LIFR: variants seen among roughly 807,000 people sequenced by gnomAD.
The protein encoded by LIFR is LIF receptor subunit alpha, also known as leukemia inhibitory factor receptor.
In LIFR, 84 loss-of-function variants were observed where a neutral mutation model predicts 122.2. The ratio of observed to expected loss-of-function variants is 0.69; its 90% confidence interval spans 0.58 to 0.82. The LOEUF is 0.82. Ranked by LOEUF, LIFR falls within the 40% of genes least tolerant of loss-of-function variation. The pLI, the probability that LIFR is intolerant of heterozygous loss-of-function variation, is 0.00. For missense variants in LIFR, 1,294 were observed against 1,311.6 expected, an observed-to-expected ratio of 0.99 and a Z score of 0.21; for synonymous variants, 422 against 434.7, an observed-to-expected ratio of 0.97 and a Z score of 0.36.
chr5:38,513,994 A>G (rs1745943976), intron 5 of LIFR, among the ~76,000 whole-genome samples: 1 of 152,138 alleles, frequency 6.6e-6, no homozygotes, highest in Non-Finnish European at 1.5e-5. Context: ...AAGACATTGC[A>G]TCATGAAACA....
In LIFR at chr5:38,482,169, T is replaced by C. The variant is rs762686952; in HGVS notation, c.2720A>G (p.Asn907Ser). The C allele has an allele frequency of 3.1e-6, 5 of 1,588,800 alleles. No individual in the cohort carries two copies. The East Asian group carries it at 1.1e-4, about 35-fold the overall frequency. ...TGATCGAGTTTCCAGAACCTCAACA[T>C]TATTTGGGGTACAAGGATTCATTTC... ...TLEMNPCTPNNVEVLETRSAF... is the reference protein window; with the variant it reads ...TLEMNPCTPNSVEVLETRSAF... Residue 907 changes from asparagine to serine, a missense_variant, in exon 20 of 20, where the codon AAT becomes AGT. Physicochemically the swap from Asn to Ser is conservative, Grantham distance 46. Coordinates refer to ENST00000453190, the MANE Select transcript of LIFR (RefSeq NM_001127671.2).
At position 38,475,442 on chromosome 5, in the gene LIFR, A is replaced by G. The variant is rs1038871616; in HGVS notation, c.*6153T>C. ...CACAACTGTTTATTCACCTTAAAAA[A>G]ATGTCTGTAGTGGTAACATTTCAAG... On this transcript the variant is annotated 3_prime_UTR_variant, in exon 20 of 20. Transcript: ENST00000453190. 9.1e-5 allele frequency: 18 copies of G among 197,926 alleles called. No individual in the cohort carries two copies. The highest frequency in any genetic ancestry group is 1.7e-4 in the Non-Finnish European group (16 of 95,432). 12.3% of individuals were successfully genotyped at this position (197,926 alleles called of 1,614,324 possible).
At chr5:38,515,381 T>C (rs1248688820) in intron 5 of LIFR, among the ~76,000 whole-genome samples, 1 of 65,104 alleles carries the variant, frequency 1.5e-5, no homozygotes, top group Non-Finnish European at 3.3e-5. Context: ...ACTTAGTATA[T>C]TTGAAAATTC....
chr5:38,516,864 G>T (rs1443448602), intron 5 of LIFR, among the ~76,000 whole-genome samples: 1 of 152,202 alleles, frequency 6.6e-6, no homozygotes, highest in African/African-American at 2.4e-5. Flanking sequence ...ACACCATGGA[G>T]TACTATGCAG....
chr5:38,492,308 C>T (rs1744637631), intron 14 of LIFR, among the ~76,000 whole-genome samples: 1 of 152,154 alleles, frequency 6.6e-6, no homozygotes, highest in Non-Finnish European at 1.5e-5. Flanking sequence ...GGGCAGCTTC[C>T]CCATATCCTG....
intron 1 of LIFR, among the ~76,000 whole-genome samples, chr5:38,543,409 C>T (rs953792945): frequency 6.6e-6 from 1 of 152,162 alleles, no homozygotes; most frequent in Non-Finnish European, 1.5e-5. Flanking sequence ...CCTAGACTTG[C>T]AATTATGACT....
chr5:38,575,760 G>T (rs1437457194), intron 1 of LIFR, among the ~76,000 whole-genome samples: 1 of 152,092 alleles, frequency 6.6e-6, no homozygotes, highest in Non-Finnish European at 1.5e-5. Flanking sequence ...TCCTCTGTAG[G>T]ACCCAGAGGC....
At chr5:38,508,907 G>A (rs1178949659) in intron 7 of LIFR, among the ~76,000 whole-genome samples, 3 of 152,180 alleles carry the variant, frequency 2.0e-5, no homozygotes, top group East Asian at 1.9e-4. Flanking sequence ...AGTCTTTTCC[G>A]TAAATGGTGG....
At chr5:38,485,710 T>G in intron 17 of LIFR, 109 bp downstream of exon 17, 1 of 1,264,558 alleles carries the variant, frequency 7.9e-7, no homozygotes, top group East Asian at 2.3e-5. Context: ...TGCAACAAAA[T>G]GTGAATGTTT....
In LIFR at chr5:38,523,505, C is replaced by T. The variant is rs773513597; in HGVS notation, c.475G>A (p.Asp159Asn). ...STSTLYLKWN[D>N]RGSVFPHRSN... ...CGGTGTGGAAAAACTGAACCCCTGT[C>T]GTTCCACTTTAGGTATAATGTAGAG... The change falls in exon 5 of 20, where the codon GAC becomes AAC. Residue 159 changes from aspartate to asparagine, a missense_variant. Transcript: ENST00000453190. 6.8e-6 allele frequency: 11 copies of T among 1,612,824 alleles called. No homozygotes were observed. Among genetic ancestry groups the T allele is most frequent in the African/African-American group, 2.7e-5 (2 of 74,884 alleles).
Position 38,489,171 on chromosome 5 carries a change from G to T in LIFR, c.2242C>A (p.Pro748Thr), listed in dbSNP as rs779937579. ...DSILVKWEDI[P>T]VEELRGFLRG... ...AAAAAGCCTCTAAGTTCTTCCACAG[G>T]AATGTCTTCCCATTTTACTAATATC... Residue 748 changes from proline (P) to threonine (T), a missense_variant, in exon 16 of 20, where the codon CCT becomes ACT. Transcript: ENST00000453190. 3 of 1,612,404 alleles carry T rather than the reference G, an allele frequency of 1.9e-6. No individual in the cohort carries two copies. The East Asian group carries it at 6.7e-5, about 36-fold the overall frequency.
At chr5:38,558,008 C>T (rs949918617), upstream of LIFR, 1 of 152,138 alleles carries the variant, frequency 6.6e-6, no homozygotes, top group Non-Finnish European at 1.5e-5. Context: ...ATTGCACAAT[C>T]CTGTCACTGT....
chr5:38,554,658 A>C (rs1207059834), intron 1 of LIFR, among the ~76,000 whole-genome samples: 1 of 152,174 alleles, frequency 6.6e-6, no homozygotes, highest in African/African-American at 2.4e-5. Flanking sequence ...ATCTTTAGGA[A>C]TACAAACAAA....
At chr5:38,557,300 C>T (rs991205044), upstream of LIFR, 6 of 152,250 alleles carry the variant, frequency 3.9e-5, no homozygotes, top group African/African-American at 1.4e-4. Context: ...AGAAACGGAT[C>T]TCTTAATGGG....
rs377149234 is a variant in LIFR, at chr5:38,601,218, G to A, written n.305+4987C>T. On this transcript the variant is annotated intron_variant and non_coding_transcript_variant, in intron 2 of 3. Coordinates refer to the LIFR transcript ENST00000507786. ...AGAGCTTGCTTCCTCTTTCTGCCACGTGAGGACACAGGGAGAATACTGCTG... is the reference window on the plus strand; with the variant it reads ...AGAGCTTGCTTCCTCTTTCTGCCACATGAGGACACAGGGAGAATACTGCTG... Among the ~76,000 whole-genome samples, 7 of 152,170 alleles carry A rather than the reference G, an allele frequency of 4.6e-5. No homozygotes were observed. The South Asian group carries it at 6.2e-4, about 14-fold the overall frequency.
chr5:38,524,688 G>A (rs150213117), intron 4 of LIFR, among the ~76,000 whole-genome samples: 5 of 152,270 alleles, frequency 3.3e-5, no homozygotes, highest in South Asian at 2.1e-4. Context: ...AAGACACCAT[G>A]GAGTCAGAAC....
chr5:38,510,667 A>G lies in LIFR; in HGVS notation c.788T>C (p.Val263Ala). The change falls in exon 7 of 20, where the codon GTA (valine) becomes GCA (alanine). Residue 263 changes from valine to alanine, a missense_variant. Physicochemically the swap from Val to Ala is moderately conservative, Grantham distance 64 (BLOSUM62 0). Transcript: ENST00000453190. ...KVFPQDKVIL[V>A]GSDITFCCVS... is the part of the protein sequence containing the mutation. ...ACAACAAAATGTTATGTCTGAGCCT[A>G]CAAGTATCACTTTATCTTGAGGAAA... is the stretch of plus-strand genomic sequence containing the variant. The G allele has an allele frequency of 6.2e-7, 1 of 1,613,720 alleles. No homozygotes were observed. The highest frequency in any genetic ancestry group is 8.5e-7 in the Non-Finnish European group (1 of 1,179,676).
upstream of LIFR, chr5:38,556,907 G>C (rs1748608322): frequency 1.3e-5 from 2 of 152,006 alleles, no homozygotes; most frequent in African/African-American, 2.4e-5. Flanking sequence ...TGGAAGCGCA[G>C]GGGAGAGCGA....
At chr5:38,581,039 TA>T (rs34514069) in intron 1 of LIFR, among the ~76,000 whole-genome samples, 1 of 152,012 alleles carries the variant, frequency 6.6e-6, no homozygotes, top group South Asian at 2.1e-4. Context: ...TCCTCATCTA[TA>T]AAAAAAGGAT....
Sources: gnomAD v4.1 joint callset for allele counts (sites outside exome capture counted in the v4.1 genomes callset) on GRCh38, gnomAD v4.1.1 for gene constraint, MANE v1.5 for transcripts, NCBI Gene and HGNC (gene_info 2026-07-23, HGNC 2026-07-21) for gene names.